The following CCDC3 variants were observed in gnomAD, a reference collection of about 807,000 sequenced individuals.
The protein encoded by CCDC3 is coiled-coil domain containing 3, also known as coiled-coil domain-containing protein 3.
A neutral mutation model predicts 21.4 loss-of-function variants in CCDC3; 24 were observed. The ratio of observed to expected loss-of-function variants is 1.12; its 90% CI spans 0.81 to 1.58. The LOEUF is 1.58. Ranked by LOEUF, CCDC3 falls within the 40% of genes most tolerant of loss-of-function variation. CCDC3 has a pLI of 0.00. For synonymous variants in CCDC3, 186 were observed against 166.0 expected (o/e 1.12, Z -0.93); for missense variants, 425 against 360.9 (o/e 1.18, Z -1.44).
intron 3 of CCDC3, among the ~76,000 whole-genome samples, chr10:13,080,650 T>C (rs554172135): frequency 2.6e-5 from 4 of 152,354 alleles, no homozygotes; most frequent in African/African-American, 9.6e-5. Context: ...GAAAATCTTA[T>C]TCCAACTGCA....
At chr10:13,050,829 C>A (rs1403720796) in intron 4 of CCDC3, among the ~76,000 whole-genome samples, 2 of 152,098 alleles carry the variant, frequency 1.3e-5, no homozygotes, top group Non-Finnish European at 2.9e-5. Flanking sequence ...CACTGTAACC[C>A]AGGCTGGAGT....
chr10:12,898,476 C>A lies in CCDC3; in HGVS notation c.753G>T (p.Ala251=). The A allele has an allele frequency of 6.2e-7, 1 of 1,613,336 alleles. No individual in the cohort carries two copies. Among genetic ancestry groups the A allele is most frequent in the East Asian group, 2.2e-5 (1 of 44,874 alleles). Residue 251 remains alanine, a synonymous_variant, in exon 3 of 3, where the codon GCG becomes GCT. Transcript: ENST00000378825. ...GGGCATTGATGTGCGGCAGCGCGCC[C>A]GCCGCCAGCTTCTCACTGAGTTTCT... ...ANQKLSEKLA[A]GALPHINARG... is the part of the protein sequence containing the mutation.
At chr10:13,082,835 A>G (rs1414984813) in intron 3 of CCDC3, among the ~76,000 whole-genome samples, 1 of 152,220 alleles carries the variant, frequency 6.6e-6, no homozygotes, top group Non-Finnish European at 1.5e-5. Context: ...TAATTGTAGA[A>G]CAGAAATTAT....
At chr10:13,034,753 G>A (rs1360927864) in intron 5 of CCDC3, among the ~76,000 whole-genome samples, 3 of 152,050 alleles carry the variant, frequency 2.0e-5, no homozygotes, top group African/African-American at 7.2e-5. Flanking sequence ...CGCTGGGTGC[G>A]GTGGCTCACG....
At chr10:13,041,075 C>G (rs1381076611) in intron 5 of CCDC3, among the ~76,000 whole-genome samples, 1 of 152,078 alleles carries the variant, frequency 6.6e-6, no homozygotes, top group African/African-American at 2.4e-5. Context: ...AATTATTTTT[C>G]CAATATGTAC....
intron 2 of CCDC3, among the ~76,000 whole-genome samples, chr10:12,900,889 C>A (rs914459360): frequency 2.6e-5 from 4 of 152,042 alleles, no homozygotes; most frequent in Non-Finnish European, 5.9e-5. Flanking sequence ...TTAGCCAGAA[C>A]CCACTTCAGT....
At chr10:12,959,414 T>G (rs1835145939) in intron 2 of CCDC3, among the ~76,000 whole-genome samples, 1 of 152,122 alleles carries the variant, frequency 6.6e-6, no homozygotes, top group African/African-American at 2.4e-5. Context: ...GGGATCCACC[T>G]GCCTCGGCCT....
chr10:12,996,457 T>G (rs1306573216), intron 2 of CCDC3, among the ~76,000 whole-genome samples: 1 of 152,110 alleles, frequency 6.6e-6, no homozygotes, highest in Non-Finnish European at 1.5e-5. Flanking sequence ...TGCCTCAGCC[T>G]CCCGAGTAGC....
chr10:12,913,633 A>G (rs1005849204), intron 2 of CCDC3, among the ~76,000 whole-genome samples: 1 of 152,234 alleles, frequency 6.6e-6, no homozygotes, highest in Non-Finnish European at 1.5e-5. Context: ...TAGAAGTGGT[A>G]AGAGTGAACA....
At chr10:13,061,892 C>G (rs1240020683) in intron 4 of CCDC3, among the ~76,000 whole-genome samples, 1 of 152,138 alleles carries the variant, frequency 6.6e-6, no homozygotes, top group Non-Finnish European at 1.5e-5. Flanking sequence ...CTCAGTTAAT[C>G]TCCTCAGGAT....
At chr10:13,034,792 A>G (rs1009581551) in intron 5 of CCDC3, among the ~76,000 whole-genome samples, 2 of 152,156 alleles carry the variant, frequency 1.3e-5, no homozygotes, top group African/African-American at 4.8e-5. Flanking sequence ...TGGGCGGCCA[A>G]AGTGGGTGGA....
chr10:12,994,421 A>AAAAC lies in CCDC3; in HGVS notation c.549+3916_549+3917insGTTT, dbSNP rs1564313192. On this transcript the variant is annotated intron_variant, in intron 2 of 2. Coordinates refer to ENST00000378825, the MANE Select transcript of CCDC3 (RefSeq NM_031455.4). Reference sequence around the variant, plus strand: ...TCAAAAACAAAACAAAACAAAAAAAAAAAACACCCAGCACCCAGCACCCAG... The same window carrying AAAAC: ...TCAAAAACAAAACAAAACAAAAAAAAAAACAAAACACCCAGCACCCAGCACCCAG... Among the ~76,000 whole-genome samples the AAAAC allele has an allele frequency of 3.6e-4, 53 of 148,338 alleles. 4 individuals carry two copies. Among genetic ancestry groups the AAAAC allele is most frequent in the African/African-American group, 1.4e-3 (52 of 37,976 alleles).
At chr10:12,963,204 T>G (rs1057288584) in intron 2 of CCDC3, among the ~76,000 whole-genome samples, 1 of 152,166 alleles carries the variant, frequency 6.6e-6, no homozygotes, top group African/African-American at 2.4e-5. Context: ...CTGCTTTACC[T>G]CCTCTCAAGA....
intron 2 of CCDC3, among the ~76,000 whole-genome samples, chr10:12,940,638 T>A (rs902807746): frequency 2.0e-5 from 3 of 152,220 alleles, no homozygotes; most frequent in Admixed American, 6.5e-5. Flanking sequence ...ATTTACTTCC[T>A]ATACTGGTGG....
intron 3 of CCDC3, chr10:13,074,128 A>AATATATATATATATATATATATAT (rs1271921492): frequency 9.7e-6 from 1 of 103,304 alleles, no homozygotes; most frequent in African/African-American, 3.9e-5. Flanking sequence ...AGAGGAATCA[A>AATATATATATATATATATATATAT]ATATATATAT....
At chr10:13,054,783 C>T (rs948967189) in intron 4 of CCDC3, among the ~76,000 whole-genome samples, 1 of 152,104 alleles carries the variant, frequency 6.6e-6, no homozygotes, top group Non-Finnish European at 1.5e-5. Flanking sequence ...TCTCTTGCTT[C>T]GGCCTCCCAA....
At chr10:12,936,771 G>T (rs966729889) in intron 2 of CCDC3, among the ~76,000 whole-genome samples, 4 of 152,186 alleles carry the variant, frequency 2.6e-5, no homozygotes, top group Admixed American at 2.6e-4. Context: ...CTATTAGCCA[G>T]ATATGGTGGC....
At chr10:13,043,282 G>C (rs141816007) in intron 5 of CCDC3, among the ~76,000 whole-genome samples, 1 of 152,216 alleles carries the variant, frequency 6.6e-6, no homozygotes, top group Non-Finnish European at 1.5e-5. Flanking sequence ...GAGACATAAA[G>C]ATGAAAGCAA....
chr10:12,950,057 T>C (rs999372715), intron 2 of CCDC3, among the ~76,000 whole-genome samples: 1 of 152,194 alleles, frequency 6.6e-6, no homozygotes, highest in Non-Finnish European at 1.5e-5. Context: ...CTCTGCTGTC[T>C]CTTCTCCATG....
Sources: allele counts gnomAD v4.1 joint callset (sites outside exome capture counted in the v4.1 genomes callset), GRCh38; gene constraint gnomAD v4.1.1; transcripts MANE v1.5; gene names NCBI Gene and HGNC (gene_info 2026-07-23, HGNC 2026-07-21).